The following TCF7L2 variants were observed in gnomAD, a reference collection of about 807,000 sequenced individuals.
The protein encoded by TCF7L2 is transcription factor 7 like 2, also known as transcription factor 7-like 2.
Under a neutral mutation model 77.9 loss-of-function variants are expected in TCF7L2, and 23 were observed. That is an observed-to-expected ratio of 0.30 (90% confidence interval 0.21 to 0.42). The LOEUF (loss-of-function observed/expected upper bound fraction) is 0.42, where lower values mean the gene tolerates loss of function less well. Ranked by LOEUF, TCF7L2 falls within the 10% of genes least tolerant of loss-of-function variation. The pLI, the probability that TCF7L2 is intolerant of heterozygous loss-of-function variation, is 1.00. For synonymous variants in TCF7L2, 413 were observed against 340.2 expected (o/e 1.21, Z -2.36); for missense variants, 654 against 793.1 (o/e 0.82, Z 2.11).
At chr10:112,993,789 G>C (rs1182912925) in intron 4 of TCF7L2, among the ~76,000 whole-genome samples, 1 of 152,158 alleles carries the variant, frequency 6.6e-6, no homozygotes, top group Admixed American at 6.5e-5. Context: ...GGGCACGGTG[G>C]CTTACGCCTG....
rs140724606 is a variant in TCF7L2, at chr10:113,114,565, C to A, written c.553-26619C>A. Among the ~76,000 whole-genome samples the A allele has an allele frequency of 3.9e-4, 60 of 152,104 alleles. No individual in the cohort carries two copies. In the East Asian group the frequency reaches 5.8e-3, roughly 15 times the overall value. ...TTTCTAATGATGACAATCTATCAGT[C>A]CACATGGTTCAAAATGAAGATAAAT... is the stretch of plus-strand genomic sequence containing the variant. On this transcript the variant is annotated intron_variant, in intron 5 of 13. Transcript: ENST00000627217.
chr10:113,116,234 C>T (rs1421017242), intron 5 of TCF7L2, among the ~76,000 whole-genome samples: 1 of 152,014 alleles, frequency 6.6e-6, no homozygotes, highest in African/African-American at 2.4e-5. Flanking sequence ...TAAATATGTT[C>T]TTATATTTGC....
chr10:113,146,421 G>A (rs983804835), intron 8 of TCF7L2, among the ~76,000 whole-genome samples: 7 of 152,102 alleles, frequency 4.6e-5, no homozygotes, highest in South Asian at 2.1e-4. Context: ...GAAAGGTAGC[G>A]GTGAAGGTAG....
At chr10:113,073,160 G>C (rs1269002795) in intron 5 of TCF7L2, among the ~76,000 whole-genome samples, 7 of 151,034 alleles carry the variant, frequency 4.6e-5, no homozygotes, top group Admixed American at 6.6e-5. Flanking sequence ...GACAGAGAGA[G>C]AGATAGAGAG....
intron 5 of TCF7L2, among the ~76,000 whole-genome samples, chr10:113,114,451 C>T (rs751768385): frequency 2.2e-4 from 33 of 152,014 alleles, no homozygotes; most frequent in Non-Finnish European, 4.0e-4. Context: ...ATCTTGGAGG[C>T]GCCCTTAGTG....
chr10:112,979,779 A>T (rs1222005562), intron 4 of TCF7L2, among the ~76,000 whole-genome samples: 1 of 149,208 alleles, frequency 6.7e-6, no homozygotes, highest in Non-Finnish European at 1.5e-5. Flanking sequence ...AAAAATAAAA[A>T]AAATAAACGA....
At chr10:113,103,460 C>T (rs1200903527) in intron 5 of TCF7L2, among the ~76,000 whole-genome samples, 2 of 151,880 alleles carry the variant, frequency 1.3e-5, no homozygotes, top group African/African-American at 2.4e-5. Flanking sequence ...TTGCTTGGAT[C>T]CCGCGAAGTA....
At chr10:113,002,176 T>C (rs1416743770) in intron 4 of TCF7L2, among the ~76,000 whole-genome samples, 1 of 152,166 alleles carries the variant, frequency 6.6e-6, no homozygotes, top group Non-Finnish European at 1.5e-5. Context: ...TACAAAGGTA[T>C]CAAAGTGGCA....
intron 5 of TCF7L2, among the ~76,000 whole-genome samples, chr10:113,052,202 C>T (rs1264336806): frequency 9.2e-5 from 14 of 152,066 alleles, no homozygotes; most frequent in African/African-American, 2.2e-4. Context: ...GACTCTGAGC[C>T]GAGTGCAGGG....
intron 5 of TCF7L2, among the ~76,000 whole-genome samples, chr10:113,078,664 C>G (rs2058987811): frequency 6.6e-6 from 1 of 152,072 alleles, no homozygotes; most frequent in Non-Finnish European, 1.5e-5. Context: ...TGAGCCACCA[C>G]ACACACCCAG....
intron 4 of TCF7L2, among the ~76,000 whole-genome samples, chr10:112,990,881 G>A (rs2042416936): frequency 6.6e-6 from 1 of 152,186 alleles, no homozygotes; most frequent in African/African-American, 2.4e-5. Context: ...CCTCTGGGGA[G>A]AAAAATGCTA....
chr10:113,078,175 A>G (rs112277631), intron 5 of TCF7L2, among the ~76,000 whole-genome samples: 11 of 152,240 alleles, frequency 7.2e-5, no homozygotes, highest in Admixed American at 2.0e-4. Flanking sequence ...TAATTTTCCA[A>G]ATGATCCCTT....
rs572208673 is a variant in TCF7L2, at chr10:113,152,460, T to C, written c.1269+20T>C. On this transcript the variant is annotated intron_variant, in intron 11 of 13. Transcript: ENST00000627217. ...AACTATGTAGGTGGATCATTTTCGT[T>C]AGGATTGGAGTCTGTAGAGCTGTGT... 1.8e-5 allele frequency: 28 copies of C among 1,592,822 alleles called. No individual in the cohort carries two copies. The highest frequency in any genetic ancestry group is 2.4e-5 in the Non-Finnish European group (28 of 1,162,956).
At chr10:113,147,235 C>T (rs2069643071) in intron 8 of TCF7L2, among the ~76,000 whole-genome samples, 1 of 152,180 alleles carries the variant, frequency 6.6e-6, no homozygotes. Flanking sequence ...CGTTACATGG[C>T]AGGGGTGCTG....
chr10:112,961,311 C>T (rs965448132), intron 3 of TCF7L2, among the ~76,000 whole-genome samples: 10 of 144,668 alleles, frequency 6.9e-5, no homozygotes, highest in Admixed American at 2.9e-4. Flanking sequence ...CGTGAGCCAT[C>T]GTGCCCGGCC....
At chr10:113,148,428 G>C (rs1223717539) in intron 8 of TCF7L2, among the ~76,000 whole-genome samples, 2 of 152,186 alleles carry the variant, frequency 1.3e-5, no homozygotes, top group Admixed American at 6.5e-5. Flanking sequence ...GGGAAAATGA[G>C]AGAATAATGA....
intron 5 of TCF7L2, chr10:113,126,214 C>A (rs11596409): frequency 6.6e-6 from 1 of 151,342 alleles, no homozygotes; most frequent in East Asian, 1.9e-4. Context: ...TTTGTATCCC[C>A]CCACCTCCAA....
chr10:113,128,923 C>T (rs1244645061), intron 5 of TCF7L2, among the ~76,000 whole-genome samples: 2 of 152,328 alleles, frequency 1.3e-5, no homozygotes, highest in East Asian at 3.9e-4. Flanking sequence ...TTGCATCCCT[C>T]TGCCGTTTCC....
intron 4 of TCF7L2, among the ~76,000 whole-genome samples, chr10:113,005,329 G>T (rs984885352): frequency 5.9e-5 from 9 of 152,204 alleles, no homozygotes; most frequent in African/African-American, 2.2e-4. Flanking sequence ...ATGGGTTAGA[G>T]GTGGGTCCTT....
Sources: allele counts gnomAD v4.1 joint callset (sites outside exome capture counted in the v4.1 genomes callset), GRCh38; gene constraint gnomAD v4.1.1; transcripts MANE v1.5; gene names NCBI Gene and HGNC (gene_info 2026-07-23, HGNC 2026-07-21).